DOC2B: variants seen among roughly 807,000 people sequenced by gnomAD.
DOC2B encodes the protein double C2 domain beta.
Under a neutral mutation model 28.9 loss-of-function variants are expected in DOC2B, and 21 were observed. The observed-to-expected ratio is 0.73, with a 90% CI of 0.52 to 1.05. The LOEUF is 1.05. Ranked by LOEUF, DOC2B falls within the 50% of genes least tolerant of loss-of-function variation. The pLI, the probability that DOC2B is intolerant of heterozygous loss-of-function variation, is 0.00. For missense variants in DOC2B, 384 were observed against 421.1 expected, an observed-to-expected ratio of 0.91 and a Z score of 0.77; for synonymous variants, 194 against 178.1, an observed-to-expected ratio of 1.09 and a Z score of -0.71.
At position 162,271 on chromosome 17, in the gene DOC2B, C is replaced by T. The variant is rs950439189; in HGVS notation, c.529-81G>A. The T allele has an allele frequency of 1.2e-4, 125 of 1,017,352 alleles. 3 individuals carry two copies. In the South Asian group the frequency reaches 1.7e-3, roughly 14 times the overall value. 63.0% of individuals were successfully genotyped at this position (1,017,352 alleles called of 1,614,324 possible). A position where few individuals can be genotyped will look rare whatever the true frequency, so the allele number is the denominator to read the frequency against. Reference sequence around the variant, plus strand: ...TGGCCCCCAGAGATGGCCACGTGCTCATCTTGGAGCCTGTGAATGTGTTAT... The same window carrying T: ...TGGCCCCCAGAGATGGCCACGTGCTTATCTTGGAGCCTGTGAATGTGTTAT... On this transcript the variant is annotated intron_variant, in intron 3 of 8. Transcript: ENST00000613549.
intron 1 of DOC2B, among the ~76,000 whole-genome samples, chr17:178,845 G>A (rs530235657): frequency 5.7e-4 from 87 of 152,352 alleles, no homozygotes; most frequent in Non-Finnish European, 9.7e-4. Flanking sequence ...GGCTAAAGCC[G>A]TAATGAACCA....
Position 142,967 on chromosome 17 carries a change from T to C in DOC2B, c.*4474A>G, listed in dbSNP as rs2151454417. ...CTGTGGTTAGGAAGGTTTATTTTTT[T>C]CCCTCCAAACCTAAGCAGTACATGT... On this transcript the variant is annotated 3_prime_UTR_variant, in exon 9 of 9. Transcript: ENST00000613549. 6.6e-6 allele frequency: 1 copy of C among 152,308 alleles called. No individual in the cohort carries two copies. The highest frequency in any genetic ancestry group is 1.9e-4 in the East Asian group (1 of 5,190). The allele number at this position is 152,308 out of a possible 1,614,324, so 9.4% of individuals were successfully genotyped here. A position where few individuals can be genotyped will look rare whatever the true frequency, so the allele number is the denominator to read the frequency against.
intron 6 of DOC2B, among the ~76,000 whole-genome samples, chr17:155,515 T>A (rs1200124788): frequency 6.6e-6 from 1 of 151,974 alleles, no homozygotes; most frequent in East Asian, 1.9e-4. Context: ...TCCCCAAGTC[T>A]CAGTTTTCCA....
Position 150,511 on chromosome 17 carries a change from C to CAAT in DOC2B, c.924-1320_924-1319insATT, listed in dbSNP as rs2040061707. On this transcript the variant is annotated intron_variant, in intron 6 of 8. Transcript: ENST00000613549. The stretch of plus-strand genomic sequence containing the variant: ...AAGGCTGCATGGTTGACACACAGTG[C>CAAT]CTGCGACAAAGCTGAATGCTATCAT... Among the ~76,000 whole-genome samples the CAAT allele has an allele frequency of 1.1e-4, 17 of 149,802 alleles. No homozygotes were observed. The South Asian group carries it at 3.6e-3, about 32-fold the overall frequency.
intron 4 of DOC2B, 87 bp downstream of exon 4, chr17:161,994 C>G: frequency 2.6e-5 from 25 of 957,116 alleles, no homozygotes; most frequent in Non-Finnish European, 4.1e-5. Flanking sequence ...AGGGGACCAT[C>G]TGACCCTCCA....
intron 2 of DOC2B, among the ~76,000 whole-genome samples, chr17:170,757 C>G (rs1433811556): frequency 6.6e-6 from 1 of 152,080 alleles, no homozygotes; most frequent in African/African-American, 2.4e-5. Context: ...AGGGCAGCAC[C>G]AGGGACCAGG....
chr17:163,786 C>T, intron 3 of DOC2B: 1 of 264,692 alleles, frequency 3.8e-6, no homozygotes, highest in Non-Finnish European at 7.3e-6. Flanking sequence ...GTTATTTAAC[C>T]ACAGAGTCCT....
At chr17:166,120 G>A (rs1357651577) in intron 2 of DOC2B, among the ~76,000 whole-genome samples, 1 of 152,184 alleles carries the variant, frequency 6.6e-6, no homozygotes, top group Non-Finnish European at 1.5e-5. Context: ...CGAGGCCCCT[G>A]CTGCTGCTCT....
intron 1 of DOC2B, among the ~76,000 whole-genome samples, chr17:178,681 C>T (rs768563337): frequency 2.0e-5 from 3 of 152,226 alleles, no homozygotes; most frequent in Non-Finnish European, 4.4e-5. Context: ...TTTGACATGA[C>T]TTAATAAAGA....
chr17:168,684 TAC>T (rs2040276268), intron 2 of DOC2B, among the ~76,000 whole-genome samples: 1 of 143,118 alleles, frequency 7.0e-6, no homozygotes, highest in African/African-American at 2.6e-5. Context: ...AGGTAGTGAA[TAC>T]GTCTCACGAG....
At chr17:180,910 G>A (rs2040433372) in intron 1 of DOC2B, among the ~76,000 whole-genome samples, 197 bp downstream of exon 1, 1 of 151,832 alleles carries the variant, frequency 6.6e-6, no homozygotes, top group Admixed American at 6.6e-5. Flanking sequence ...CCTGGGTCGG[G>A]GGAGGGCTCG....
At chr17:152,026 C>T (rs1048410991) in intron 6 of DOC2B, among the ~76,000 whole-genome samples, 2 of 152,212 alleles carry the variant, frequency 1.3e-5, no homozygotes, top group East Asian at 1.9e-4. Flanking sequence ...CCCTGAGGCC[C>T]GCCCTGTGGC....
intron 6 of DOC2B, among the ~76,000 whole-genome samples, chr17:152,432 G>C (rs1200365257): frequency 6.6e-6 from 1 of 152,136 alleles, no homozygotes; most frequent in Non-Finnish European, 1.5e-5. Context: ...CTTCCGGCCT[G>C]GGGAAACTGG....
intron 6 of DOC2B, 128 bp downstream of exon 6, chr17:156,092 G>A: frequency 9.3e-7 from 1 of 1,073,404 alleles, no homozygotes; most frequent in Non-Finnish European, 1.3e-6. Flanking sequence ...AGCCCATCAG[G>A]GAACACAGCG....
At position 144,354 on chromosome 17, in the gene DOC2B, G is replaced by C. The variant is rs1438621701; in HGVS notation, c.*3087C>G. On this transcript the variant is annotated 3_prime_UTR_variant, in exon 9 of 9. Coordinates refer to ENST00000613549, the MANE Select transcript of DOC2B (RefSeq NM_003585.5). ...GCTCACTGCAGCCTTCACCTCCCGG[G>C]TTCAAGCGATTCTCGTGCCTCAGCC... The C allele has an allele frequency of 1.3e-5, 2 of 152,190 alleles. No individual in the cohort carries two copies. Among genetic ancestry groups the C allele is most frequent in the Non-Finnish European group, 2.9e-5 (2 of 68,068 alleles). The allele number at this position is 152,190 out of a possible 1,614,324, so 9.4% of individuals were successfully genotyped here. A position where few individuals can be genotyped will look rare whatever the true frequency, so the allele number is the denominator to read the frequency against.
Position 172,126 on chromosome 17 carries a change from G to A in DOC2B, c.453+411C>T, listed in dbSNP as rs540364005. On this transcript the variant is annotated intron_variant, in intron 2 of 8. Coordinates refer to ENST00000613549, the MANE Select transcript of DOC2B (RefSeq NM_003585.5). ...TGGCATCGGCCTCCTACAGTGGCTC[G>A]GCTTCCAGGGTGCAAAGTGGCGTCC... Among the ~76,000 whole-genome samples, 322 of 152,124 alleles carry A rather than the reference G, an allele frequency of 2.1e-3. 2 individuals carry two copies. Among genetic ancestry groups the A allele is most frequent in the African/African-American group, 7.5e-3 (310 of 41,490 alleles).
intron 2 of DOC2B, among the ~76,000 whole-genome samples, chr17:166,223 T>G (rs1044963417): frequency 1.3e-5 from 2 of 152,258 alleles, no homozygotes; most frequent in African/African-American, 2.4e-5. Context: ...TGAAGCCCTG[T>G]CACTGTGCTG....
chr17:155,367 T>C (rs1474553539), intron 6 of DOC2B, among the ~76,000 whole-genome samples: 1 of 151,892 alleles, frequency 6.6e-6, no homozygotes, highest in African/African-American at 2.4e-5. Context: ...CCACGAGGAG[T>C]ACTGGCCTCT....
chr17:178,909 G>A (rs1329001329), intron 1 of DOC2B, among the ~76,000 whole-genome samples: 1 of 152,234 alleles, frequency 6.6e-6, no homozygotes, highest in African/African-American at 2.4e-5. Context: ...ACAGCCCAGA[G>A]GGGGGCACCG....
Sources: allele counts gnomAD v4.1 joint callset (sites outside exome capture counted in the v4.1 genomes callset), GRCh38; gene constraint gnomAD v4.1.1; transcripts MANE v1.5; gene names NCBI Gene and HGNC (gene_info 2026-07-23, HGNC 2026-07-21).